The following CTNND2 variants were observed in gnomAD, a reference collection of about 807,000 sequenced individuals.
The protein encoded by CTNND2 is catenin delta 2.
CTNND2 carries 22 observed loss-of-function variants against 144.4 expected under a neutral mutation model. The observed-to-expected ratio is 0.15, with a 90% CI of 0.11 to 0.22. The LOEUF (loss-of-function observed/expected upper bound fraction) is 0.22, where lower values mean the gene tolerates loss of function less well. Among genes scored for constraint, CTNND2 ranks in the 10% least tolerant of loss-of-function variants. The probability of loss-of-function intolerance (pLI) is 1.00; values close to 1 mark genes in which losing one functional copy is unlikely to be tolerated. For missense variants in CTNND2, 1,353 were observed against 1,618.8 expected (o/e 0.84, Z 2.82); for synonymous variants, 751 against 695.6 (o/e 1.08, Z -1.25).
At chr5:11,355,981 C>G (rs1229349133) in intron 8 of CTNND2, among the ~76,000 whole-genome samples, 1 of 151,762 alleles carries the variant, frequency 6.6e-6, no homozygotes, top group Non-Finnish European at 1.5e-5. Context: ...TAGAAATAAA[C>G]TTAACCGAGG....
chr5:11,222,625 G>A (rs1053029172), intron 10 of CTNND2, among the ~76,000 whole-genome samples: 6 of 152,088 alleles, frequency 3.9e-5, no homozygotes, highest in East Asian at 1.9e-4. Context: ...GGGTAACATA[G>A]GGAGACCCTG....
intron 2 of CTNND2, among the ~76,000 whole-genome samples, chr5:11,705,661 G>T (rs1785657836): frequency 6.6e-6 from 1 of 152,170 alleles, no homozygotes; most frequent in Non-Finnish European, 1.5e-5. Context: ...TGAAGAGAGT[G>T]AACATCCCTT....
chr5:11,719,023 T>C (rs1295947630), intron 2 of CTNND2, among the ~76,000 whole-genome samples: 1 of 152,224 alleles, frequency 6.6e-6, no homozygotes, highest in East Asian at 1.9e-4. Flanking sequence ...TAAACTAATA[T>C]GTGTTTGTAA....
chr5:11,033,306 A>T (rs78743917), intron 16 of CTNND2, among the ~76,000 whole-genome samples: 2 of 152,186 alleles, frequency 1.3e-5, no homozygotes, highest in African/African-American at 4.8e-5. Context: ...CCTCCAGCTT[A>T]CCCAAGAGTT....
intron 1 of CTNND2, among the ~76,000 whole-genome samples, chr5:11,780,198 C>T (rs1025184935): frequency 1.3e-5 from 2 of 152,138 alleles, no homozygotes; most frequent in Non-Finnish European, 2.9e-5. Context: ...CCGTGTCATC[C>T]CCTAGAGTGC....
chr5:11,865,761 C>A (rs1795730919), intron 1 of CTNND2, among the ~76,000 whole-genome samples: 1 of 151,882 alleles, frequency 6.6e-6, no homozygotes, highest in South Asian at 2.1e-4. Flanking sequence ...TCATAAGGGT[C>A]TTGAGAAGTG....
At chr5:11,640,034 A>G (rs1290695587) in intron 2 of CTNND2, among the ~76,000 whole-genome samples, 2 of 152,358 alleles carry the variant, frequency 1.3e-5, no homozygotes, top group African/African-American at 4.8e-5. Flanking sequence ...GTGAAAAAAA[A>G]TATCTTGGGT....
intron 1 of CTNND2, among the ~76,000 whole-genome samples, chr5:11,781,654 T>C (rs901297931): frequency 6.6e-6 from 1 of 152,214 alleles, no homozygotes; most frequent in African/African-American, 2.4e-5. Context: ...ATGGATAATT[T>C]ACACAATACA....
At chr5:11,477,770 T>G (rs888751671) in intron 3 of CTNND2, among the ~76,000 whole-genome samples, 1 of 152,146 alleles carries the variant, frequency 6.6e-6, no homozygotes, top group African/African-American at 2.4e-5. Context: ...TTTGCTATGG[T>G]TACAATAATC....
Position 11,510,930 on chromosome 5 carries a change from C to CAA in CTNND2, c.287+54012_287+54013dup, listed in dbSNP as rs58275679. Among the ~76,000 whole-genome samples the CAA allele has an allele frequency of 8.5e-3, 1,231 of 144,112 alleles. 10 individuals carry two copies. Among genetic ancestry groups the CAA allele is most frequent in the African/African-American group, 0.024 (954 of 39,334 alleles). 94.5% of individuals were successfully genotyped at this position (144,112 alleles called of 152,430 possible). A position where few individuals can be genotyped will look rare whatever the true frequency, so the allele number is the denominator to read the frequency against. ...TGGGCAACAGAAAGAGACTCTATCT[C>CAA]AAAAAAAAAAAAAATGCATTTGAAT... On this transcript the variant is annotated intron_variant, in intron 3 of 21. Transcript: ENST00000304623.
chr5:11,365,682 C>G (rs936797597), intron 7 of CTNND2, among the ~76,000 whole-genome samples: 8 of 152,152 alleles, frequency 5.3e-5, no homozygotes, highest in African/African-American at 1.4e-4. Context: ...ACGAGAAAGT[C>G]TCTGAAGAAA....
chr5:11,886,785 G>A (rs1028503338), intron 1 of CTNND2, among the ~76,000 whole-genome samples: 3 of 151,726 alleles, frequency 2.0e-5, no homozygotes, highest in Admixed American at 2.0e-4. Context: ...ACACATTTTT[G>A]GCCTTGTAAA....
At chr5:11,351,613 A>G (rs897447002) in intron 8 of CTNND2, among the ~76,000 whole-genome samples, 3 of 152,226 alleles carry the variant, frequency 2.0e-5, no homozygotes, top group Admixed American at 1.3e-4. Flanking sequence ...GATAATTGCA[A>G]GCATTATTTA....
chr5:11,203,376 A>G (rs1002795326), intron 10 of CTNND2, among the ~76,000 whole-genome samples: 3 of 152,168 alleles, frequency 2.0e-5, no homozygotes, highest in African/African-American at 7.2e-5. Context: ...TGATCATTGC[A>G]GGTCAGTTTA....
At chr5:11,300,800 C>T (rs56368572) in intron 9 of CTNND2, among the ~76,000 whole-genome samples, 12,219 of 152,102 alleles carry the variant, frequency 0.08, 613 homozygotes, top group East Asian at 0.11. Context: ...TTTGAGCACC[C>T]CCAGCCTCCA....
chr5:11,541,364 T>C (rs1334913248), intron 3 of CTNND2, among the ~76,000 whole-genome samples: 1 of 152,166 alleles, frequency 6.6e-6, no homozygotes, highest in Non-Finnish European at 1.5e-5. Flanking sequence ...TAAAGGTAAA[T>C]AGCCATAAAG....
chr5:11,830,648 C>T (rs1185035282), intron 1 of CTNND2, among the ~76,000 whole-genome samples: 1 of 152,082 alleles, frequency 6.6e-6, no homozygotes, highest in Admixed American at 6.6e-5. Context: ...TTATCAGCAG[C>T]GTGAAAACGG....
chr5:11,175,759 C>A (rs1342300905), intron 11 of CTNND2, among the ~76,000 whole-genome samples: 1 of 151,978 alleles, frequency 6.6e-6, no homozygotes, highest in Non-Finnish European at 1.5e-5. Flanking sequence ...ATTCCTAAAA[C>A]TTGGATCGCT....
chr5:11,489,216 T>C (rs755827394), intron 3 of CTNND2, among the ~76,000 whole-genome samples: 2 of 152,188 alleles, frequency 1.3e-5, no homozygotes, highest in African/African-American at 4.8e-5. Context: ...AACCTAGTAC[T>C]GTTCTGTTTT....
Sources: gnomAD v4.1 joint callset for allele counts (sites outside exome capture counted in the v4.1 genomes callset) on GRCh38, gnomAD v4.1.1 for gene constraint, MANE v1.5 for transcripts, NCBI Gene and HGNC (gene_info 2026-07-23, HGNC 2026-07-21) for gene names.